Variants in SHISA9 observed in about 807,000 individuals in gnomAD.
The protein encoded by SHISA9 is protein shisa-9.
A neutral mutation model predicts 38.0 loss-of-function variants in SHISA9; 13 were observed. That is an observed-to-expected ratio of 0.34 (90% CI 0.22 to 0.54). SHISA9 has a LOEUF of 0.54. SHISA9 is among the 20% of genes least tolerant of loss of function. The pLI is 0.91. For missense variants in SHISA9, 538 were observed against 575.8 expected (o/e 0.93, Z 0.67); for synonymous variants, 275 against 242.0 (o/e 1.14, Z -1.27).
At chr16:13,016,715 A>G (rs1363347793) in intron 2 of SHISA9, among the ~76,000 whole-genome samples, 5 of 152,236 alleles carry the variant, frequency 3.3e-5, no homozygotes, top group African/African-American at 1.2e-4. Flanking sequence ...CTATATTTAC[A>G]TGTAAAATTT....
the SHISA9 span, among the ~76,000 whole-genome samples, chr16:13,460,243 C>G: frequency 6.6e-6 from 1 of 152,132 alleles, no homozygotes; most frequent in African/African-American, 2.4e-5. Context: ...AAACAGAACA[C>G]ACACATGCAA....
chr16:13,438,859 C>G, the SHISA9 span, among the ~76,000 whole-genome samples: 1 of 152,162 alleles, frequency 6.6e-6, no homozygotes, highest in Non-Finnish European at 1.5e-5. Flanking sequence ...TGTCTTTATT[C>G]CTTTGCAAAA....
At chr16:13,438,519 T>C in the SHISA9 span, among the ~76,000 whole-genome samples, 1 of 152,118 alleles carries the variant, frequency 6.6e-6, no homozygotes, top group Non-Finnish European at 1.5e-5. Context: ...GCTACAAAAA[T>C]AAAGAAAAGG....
the SHISA9 span, among the ~76,000 whole-genome samples, chr16:13,542,223 C>A: frequency 6.6e-6 from 1 of 152,106 alleles, no homozygotes; most frequent in South Asian, 2.1e-4. Flanking sequence ...TGACTTCTGG[C>A]CTCCAGAACC....
chr16:12,905,453 C>T (rs1214611616), intron 1 of SHISA9, among the ~76,000 whole-genome samples: 1 of 152,070 alleles, frequency 6.6e-6, no homozygotes, highest in Non-Finnish European at 1.5e-5. Flanking sequence ...AACCCCCACT[C>T]CCCTAATGGC....
chr16:13,312,478 A>G, the SHISA9 span, among the ~76,000 whole-genome samples: 1 of 152,214 alleles, frequency 6.6e-6, no homozygotes, highest in Admixed American at 6.5e-5. Flanking sequence ...CAGTTTTACA[A>G]TATGCTAAGA....
chr16:13,296,891 C>CAAAA, the SHISA9 span, among the ~76,000 whole-genome samples: 88 of 26,616 alleles, frequency 3.3e-3, 1 homozygote, highest in East Asian at 7.1e-3. Flanking sequence ...AACTCCATCT[C>CAAAA]AAAAAAAAAA....
chr16:13,360,253 C>T, the SHISA9 span, among the ~76,000 whole-genome samples: 1 of 152,238 alleles, frequency 6.6e-6, no homozygotes, highest in African/African-American at 2.4e-5. Flanking sequence ...CTAAATTTTG[C>T]TGCAGCTGAT....
At chr16:13,241,322 C>T (rs893799377), downstream of SHISA9, among the ~76,000 whole-genome samples, 1 of 152,132 alleles carries the variant, frequency 6.6e-6, no homozygotes, top group South Asian at 2.1e-4. Flanking sequence ...GCCTGGCCAA[C>T]GTGGATTAAC....
chr16:12,912,529 G>C (rs58721986), intron 1 of SHISA9, among the ~76,000 whole-genome samples: 9,329 of 152,164 alleles, frequency 0.061, 964 homozygotes, highest in African/African-American at 0.21. Flanking sequence ...CAATTTCTAT[G>C]CAGTTTCAGA....
intron 2 of SHISA9, among the ~76,000 whole-genome samples, chr16:13,075,465 G>A (rs1329144264): frequency 6.6e-6 from 1 of 152,050 alleles, no homozygotes; most frequent in African/African-American, 2.4e-5. Flanking sequence ...TTGTCCTGGT[G>A]CACCTCCTGC....
the SHISA9 span, among the ~76,000 whole-genome samples, chr16:13,465,369 T>A: frequency 1.3e-5 from 2 of 152,180 alleles, no homozygotes. Flanking sequence ...CAGGTTCATT[T>A]TGGCAGAACT....
chr16:13,542,556 T>A, the SHISA9 span, among the ~76,000 whole-genome samples: 1 of 149,892 alleles, frequency 6.7e-6, no homozygotes, highest in Non-Finnish European at 1.5e-5. Flanking sequence ...AGCGCTGAGT[T>A]GAAGTGTGAT....
downstream of SHISA9, among the ~76,000 whole-genome samples, chr16:13,241,753 T>G (rs985404117): frequency 3.9e-5 from 6 of 152,180 alleles, no homozygotes; most frequent in African/African-American, 1.4e-4. Context: ...CTCTGGGATT[T>G]GGAGACCTTT....
At chr16:13,022,628 A>G (rs528547050) in intron 2 of SHISA9, among the ~76,000 whole-genome samples, 215 of 152,034 alleles carry the variant, frequency 1.4e-3, no homozygotes, top group Non-Finnish European at 2.3e-3. Flanking sequence ...CACCGCGCCC[A>G]GCCTTAATTT....
the SHISA9 span, among the ~76,000 whole-genome samples, chr16:13,348,696 G>T: frequency 1.3e-5 from 2 of 151,882 alleles, no homozygotes; most frequent in Admixed American, 1.3e-4. Flanking sequence ...TTGAATCATT[G>T]TGATCAGCTC....
chr16:13,150,138 T>G (rs2050486255), intron 2 of SHISA9, among the ~76,000 whole-genome samples: 2 of 151,872 alleles, frequency 1.3e-5, no homozygotes, highest in South Asian at 4.2e-4. Flanking sequence ...TCTTTTCCTT[T>G]TTCCTTTGAA....
At chr16:13,356,848 T>C in the SHISA9 span, among the ~76,000 whole-genome samples, 1 of 152,084 alleles carries the variant, frequency 6.6e-6, no homozygotes, top group Non-Finnish European at 1.5e-5. Context: ...TTATTTAGAT[T>C]TTGCAGGATG....
chr16:13,372,745 A>G, the SHISA9 span, among the ~76,000 whole-genome samples: 1 of 152,198 alleles, frequency 6.6e-6, no homozygotes, highest in South Asian at 2.1e-4. Context: ...TAACTTCACA[A>G]TGAATAGCTG....
Sources: gnomAD v4.1 joint callset for allele counts (sites outside exome capture counted in the v4.1 genomes callset) on GRCh38, gnomAD v4.1.1 for gene constraint, MANE v1.5 for transcripts, NCBI Gene and HGNC (gene_info 2026-07-23, HGNC 2026-07-21) for gene names.